ADAM20: variants seen among roughly 807,000 people sequenced by gnomAD.
ADAM20 encodes ADAM metallopeptidase domain 20.
For missense variants in ADAM20, 871 were observed against 883.2 expected, an observed-to-expected ratio of 0.99 and a Z score of 0.18; for synonymous variants, 305 against 310.2, an observed-to-expected ratio of 0.98 and a Z score of 0.18.
At chr14:70,550,884 GA>G in the ADAM20 span, among the ~76,000 whole-genome samples, 1 of 77,536 alleles carries the variant, frequency 1.3e-5, no homozygotes, top group East Asian at 4.1e-4. Flanking sequence ...TATCCTTGAT[GA>G]ACATTGATGC....
chr14:70,553,328 A>C, the ADAM20 span, among the ~76,000 whole-genome samples: 7 of 126,818 alleles, frequency 5.5e-5, no homozygotes, highest in East Asian at 1.7e-3. Context: ...AAAAAAAAAA[A>C]AAAACTAGTA....
upstream of ADAM20, among the ~76,000 whole-genome samples, chr14:70,539,106 CCA>C (rs1883895202): frequency 6.7e-6 from 1 of 149,848 alleles, no homozygotes; most frequent in African/African-American, 2.5e-5. Context: ...GTGCTTCCCC[CCA>C]CAGAGAGCCT....
At chr14:70,555,430 A>G in the ADAM20 span, among the ~76,000 whole-genome samples, 1 of 152,232 alleles carries the variant, frequency 6.6e-6, no homozygotes, top group African/African-American at 2.4e-5. Context: ...AAAAAAGGTG[A>G]AAAATCACAC....
At chr14:70,566,206 A>C in the ADAM20 span, among the ~76,000 whole-genome samples, 35 of 152,218 alleles carry the variant, frequency 2.3e-4, no homozygotes, top group African/African-American at 8.2e-4. Flanking sequence ...GTCACTTTTA[A>C]CCCTAATATA....
chr14:70,555,635 T>G, the ADAM20 span, among the ~76,000 whole-genome samples: 1 of 152,220 alleles, frequency 6.6e-6, no homozygotes, highest in Non-Finnish European at 1.5e-5. Context: ...TACCTTCTTT[T>G]TTTCACGACA....
At chr14:70,578,892 A>G in the ADAM20 span, among the ~76,000 whole-genome samples, 3 of 152,094 alleles carry the variant, frequency 2.0e-5, no homozygotes, top group African/African-American at 7.2e-5. Context: ...CTTTGTGTCT[A>G]TGTGCACTCA....
At chr14:70,578,868 C>T in the ADAM20 span, among the ~76,000 whole-genome samples, 1 of 152,048 alleles carries the variant, frequency 6.6e-6, no homozygotes, top group Non-Finnish European at 1.5e-5. Context: ...ATCTTAAGTG[C>T]TTATTGTTCC....
the ADAM20 span, chr14:70,547,609 G>A: frequency 1.2e-4 from 5 of 43,030 alleles, no homozygotes; most frequent in East Asian, 5.0e-4. Context: ...CTTAAGAAAC[G>A]GCGCACCACG....
the ADAM20 span, among the ~76,000 whole-genome samples, chr14:70,575,581 C>T: frequency 3.9e-5 from 6 of 152,120 alleles, no homozygotes; most frequent in African/African-American, 1.4e-4. Context: ...CTAGTATATG[C>T]ACATATACAA....
chr14:70,556,716 A>C, the ADAM20 span: 2 of 152,272 alleles, frequency 1.3e-5, no homozygotes, highest in Non-Finnish European at 2.9e-5. Context: ...ACGCAGATGC[A>C]GAAAATACAG....
chr14:70,573,949 G>A, the ADAM20 span, among the ~76,000 whole-genome samples: 63 of 152,334 alleles, frequency 4.1e-4, no homozygotes, highest in Middle Eastern at 3.4e-3. Flanking sequence ...ACTCTCAACA[G>A]TGGAAAGGTC....
Position 70,522,814 on chromosome 14 carries a change from G to C in ADAM20, c.1944C>G (p.Asn648Lys). 6.2e-7 allele frequency: 1 copy of C among 1,614,046 alleles called. No homozygotes were observed. Among genetic ancestry groups the C allele is most frequent in the Non-Finnish European group, 8.5e-7 (1 of 1,179,930 alleles). Residue 648 changes from asparagine to lysine, a missense_variant, in exon 2 of 2, where the codon AAC (asparagine) becomes AAG (lysine). Transcript: ENST00000256389. ...KTCNMRGICN[N>K]KQHCHCNHEW... Reference sequence around the variant, plus strand: ...CATGGTTGCAGTGACAGTGTTGTTTGTTGTTGCAGATTCCCCTCATGTTGC... The same window carrying C: ...CATGGTTGCAGTGACAGTGTTGTTTCTTGTTGCAGATTCCCCTCATGTTGC...
chr14:70,544,151 C>A, the ADAM20 span, among the ~76,000 whole-genome samples: 2 of 151,990 alleles, frequency 1.3e-5, no homozygotes, highest in Non-Finnish European at 2.9e-5. Flanking sequence ...CTCCCCCACA[C>A]AGAAACATTC....
intron 1 of ADAM20, among the ~76,000 whole-genome samples, chr14:70,528,266 C>T (rs1444770192): frequency 2.0e-5 from 3 of 152,158 alleles, no homozygotes; most frequent in Admixed American, 6.6e-5. Context: ...ATGATGCACT[C>T]GCAGTGGGCG....
the ADAM20 span, among the ~76,000 whole-genome samples, chr14:70,569,328 G>A: frequency 6.6e-6 from 1 of 152,116 alleles, no homozygotes; most frequent in African/African-American, 2.4e-5. Context: ...CAACACATAA[G>A]TACAAAGTTC....
the ADAM20 span, among the ~76,000 whole-genome samples, chr14:70,544,975 TGTAA>T: frequency 6.6e-6 from 1 of 152,178 alleles, no homozygotes; most frequent in East Asian, 1.9e-4. Context: ...AAACAAAAAT[TGTAA>T]GTATTAGTTC....
chr14:70,558,411 T>C, the ADAM20 span, among the ~76,000 whole-genome samples: 11 of 152,140 alleles, frequency 7.2e-5, no homozygotes, highest in African/African-American at 2.7e-4. Context: ...CAATTAGATA[T>C]CTGGATAATG....
chr14:70,541,082 C>T, the ADAM20 span, among the ~76,000 whole-genome samples: 8 of 152,050 alleles, frequency 5.3e-5, no homozygotes, highest in South Asian at 8.3e-4. Context: ...TGCGCCACCA[C>T]GCCCAGGCAA....
upstream of ADAM20, among the ~76,000 whole-genome samples, chr14:70,536,465 CAAAAAAAAAAAAAAAAAAAA>C (rs56738784): frequency 4.7e-3 from 201 of 43,142 alleles, 6 homozygotes; most frequent in African/African-American, 0.016. Context: ...AACTCTGTCT[CAAAAAAAAAAAAAAAAAAAA>C]AAAAAAAAAA....
Sources: allele counts gnomAD v4.1 joint callset (sites outside exome capture counted in the v4.1 genomes callset), GRCh38; gene constraint gnomAD v4.1.1; transcripts MANE v1.5; gene names NCBI Gene and HGNC (gene_info 2026-07-23, HGNC 2026-07-21).